The following THRAP3 variants were observed in gnomAD, a reference collection of about 807,000 sequenced individuals.
THRAP3 encodes thyroid hormone receptor associated protein 3, also known as thyroid hormone receptor-associated protein 3.
THRAP3 carries 16 observed loss-of-function variants against 101.0 expected under a neutral mutation model. The observed-to-expected ratio is 0.16, with a 90% CI of 0.11 to 0.24. THRAP3 has a LOEUF of 0.24. Among genes scored for constraint, THRAP3 ranks in the 10% least tolerant of loss-of-function variants. The probability of loss-of-function intolerance (pLI) is 1.00; values close to 1 mark genes in which losing one functional copy is unlikely to be tolerated. For missense variants in THRAP3, 989 were observed against 1,202.7 expected, an observed-to-expected ratio of 0.82 and a Z score of 2.63; for synonymous variants, 407 against 422.6, an observed-to-expected ratio of 0.96 and a Z score of 0.45.
At chr1:36,283,189 G>A (rs990729325) in intron 3 of THRAP3, among the ~76,000 whole-genome samples, 3 of 152,170 alleles carry the variant, frequency 2.0e-5, no homozygotes, top group Non-Finnish European at 2.9e-5. Flanking sequence ...CTAACAAGCT[G>A]CATCTGTTTA....
At chr1:36,243,203 A>AT (rs1645184828) in intron 1 of THRAP3, among the ~76,000 whole-genome samples, 1 of 21,794 alleles carries the variant, frequency 4.6e-5, no homozygotes, top group African/African-American at 1.7e-4. Flanking sequence ...GTTTCTTTTT[A>AT]TTTTTTTATT....
chr1:36,234,807 CTTTTTTTTTT>C (rs35278020), intron 1 of THRAP3, among the ~76,000 whole-genome samples: 11 of 72,436 alleles, frequency 1.5e-4, no homozygotes, highest in African/African-American at 5.8e-4. Flanking sequence ...CTGTTTCAGT[CTTTTTTTTTT>C]TTTTTTTTTT....
At chr1:36,234,242 T>C (rs1398995059) in intron 1 of THRAP3, among the ~76,000 whole-genome samples, 1 of 152,192 alleles carries the variant, frequency 6.6e-6, no homozygotes, top group African/African-American at 2.4e-5. Context: ...GGCCAACATT[T>C]TATTTTTAAA....
intron 1 of THRAP3, among the ~76,000 whole-genome samples, chr1:36,251,914 T>C (rs903676981): frequency 1.3e-5 from 2 of 152,126 alleles, no homozygotes; most frequent in African/African-American, 2.4e-5. Flanking sequence ...GTTGGTGGAG[T>C]TGGGAATCAA....
At chr1:36,233,743 G>A (rs192613570) in intron 1 of THRAP3, among the ~76,000 whole-genome samples, 43 of 152,192 alleles carry the variant, frequency 2.8e-4, no homozygotes, top group Middle Eastern at 6.8e-3. Context: ...TCTAGCCTGG[G>A]TGACAAAGTG....
At chr1:36,217,532 AT>A in the THRAP3 span, among the ~76,000 whole-genome samples, 257 of 145,522 alleles carry the variant, frequency 1.8e-3, no homozygotes, top group Non-Finnish European at 2.4e-3. Context: ...TAGATATGGC[AT>A]TTTTTTTTTT....
intron 2 of THRAP3, 24 bp from the exon 3 acceptor site, chr1:36,282,509 T>C (rs1645745945): frequency 1.9e-6 from 3 of 1,563,188 alleles, no homozygotes; most frequent in Non-Finnish European, 8.8e-7. Context: ...CACTCATTTG[T>C]TCTAATGCAT....
At chr1:36,213,967 GA>G in the THRAP3 span, among the ~76,000 whole-genome samples, 1,150 of 97,488 alleles carry the variant, frequency 0.012, 6 homozygotes, top group Admixed American at 0.017. Flanking sequence ...AAGAAGGAAA[GA>G]GAAAGAAAGA....
chr1:36,291,284 T>C (rs1645864864), intron 5 of THRAP3, 90 bp from the exon 6 acceptor site: 1 of 1,361,146 alleles, frequency 7.3e-7, no homozygotes, highest in Non-Finnish European at 1.0e-6. Flanking sequence ...TATAGATAGA[T>C]TTAAAACTCT....
chr1:36,282,396 ATTTT>A, intron 2 of THRAP3, 133 bp from the exon 3 acceptor site: 13 of 500,218 alleles, frequency 2.6e-5, no homozygotes, highest in South Asian at 6.2e-5. Flanking sequence ...TTAAAAAAAA[ATTTT>A]TTTTTTTTTT....
intron 9 of THRAP3, among the ~76,000 whole-genome samples, chr1:36,297,473 G>A (rs1645967642): frequency 7.0e-6 from 1 of 142,618 alleles, no homozygotes; most frequent in African/African-American, 2.6e-5. Flanking sequence ...TTTTGAGATG[G>A]AGTCTTGCTC....
rs767228142 is a variant in THRAP3 at position 36,303,851 on chromosome 1, G to A, written c.2702G>A (p.Arg901Gln). The A allele has an allele frequency of 1.5e-5, 25 of 1,614,076 alleles. No homozygotes were observed. Among genetic ancestry groups the A allele is most frequent in the African/African-American group, 5.3e-5 (4 of 74,930 alleles). ...SDKWVSRGRG[R>Q]GAFPRGRGRF... ...AAGTGGGTGAGCCGGGGCCGGGGCC[G>A]AGGAGCCTTTCCTCGGGGTCGGGGC... The change falls in exon 12 of 12, where the codon CGA becomes CAA. Residue 901 changes from arginine to glutamine, a missense_variant. Transcript: ENST00000354618.
chr1:36,235,552 C>A (rs899320151), intron 1 of THRAP3, among the ~76,000 whole-genome samples: 1 of 151,976 alleles, frequency 6.6e-6, no homozygotes, highest in Non-Finnish European at 1.5e-5. Flanking sequence ...CAGAGAGATA[C>A]AGATGAAATT....
intron 2 of THRAP3, among the ~76,000 whole-genome samples, chr1:36,270,473 C>T (rs1645575255): frequency 6.6e-6 from 1 of 151,716 alleles, no homozygotes; most frequent in Admixed American, 6.6e-5. Flanking sequence ...TTTAAACCTT[C>T]TTTAAAGTCA....
Position 36,252,831 on chromosome 1 carries a change from C to T in THRAP3, c.-134-6551C>T, listed in dbSNP as rs1296461277. On this transcript the variant is annotated intron_variant, in intron 1 of 11. Transcript: ENST00000354618. ...CTGAGGCACAAGAATCTCTTGAACC[C>T]GGAGGACAGGGGTTGCACTGAGCCA... Among the ~76,000 whole-genome samples the T allele has an allele frequency of 4.0e-5, 6 of 150,700 alleles. No individual in the cohort carries two copies. In the South Asian group the frequency reaches 6.3e-4, roughly 16 times the overall value.
chr1:36,220,550 G>A (rs531690390), upstream of THRAP3, among the ~76,000 whole-genome samples: 5 of 152,116 alleles, frequency 3.3e-5, no homozygotes, highest in Non-Finnish European at 5.9e-5. Flanking sequence ...GGGTGCAGTG[G>A]CTCATATCTG....
chr1:36,289,663 G>A lies in THRAP3; in HGVS notation c.1644G>A (p.Leu548=). ...PRKTSESRDK[L]GAKGDFPTGK... ...AGACCTCTGAGAGCCGAGACAAGCT[G>A]GGAGCGAAAGGAGATTTTCCCACAG... Residue 548 remains leucine, a synonymous_variant, in exon 5 of 12, where the codon CTG becomes CTA. Coordinates refer to ENST00000354618, the MANE Select transcript of THRAP3 (RefSeq NM_005119.4). The A allele has an allele frequency of 6.2e-7, 1 of 1,614,178 alleles. No homozygotes were observed. Among genetic ancestry groups the A allele is most frequent in the South Asian group, 1.1e-5 (1 of 91,070 alleles).
intron 7 of THRAP3, 99 bp downstream of exon 7, chr1:36,292,808 C>A (rs1557454136): frequency 4.8e-6 from 4 of 832,064 alleles, no homozygotes; most frequent in South Asian, 3.5e-5. Context: ...ACCTTTAATA[C>A]AAAATTTACA....
intron 1 of THRAP3, among the ~76,000 whole-genome samples, chr1:36,236,071 A>C (rs1645083683): frequency 6.6e-6 from 1 of 150,850 alleles, no homozygotes; most frequent in African/African-American, 2.5e-5. Flanking sequence ...ACATAGTGAA[A>C]CCCCGTCTCT....
Sources: allele counts gnomAD v4.1 joint callset (sites outside exome capture counted in the v4.1 genomes callset), GRCh38; gene constraint gnomAD v4.1.1; transcripts MANE v1.5; gene names NCBI Gene and HGNC (gene_info 2026-07-23, HGNC 2026-07-21).